AMZ1: variants seen among roughly 807,000 people sequenced by gnomAD.
AMZ1 encodes the protein archaemetzincin-1.
Under a neutral mutation model 29.9 loss-of-function variants are expected in AMZ1, and 39 were observed. The ratio of observed to expected loss-of-function variants is 1.30; its 90% CI spans 1.01 to 1.70. The LOEUF is 1.70. Ranked by LOEUF, AMZ1 falls within the 40% of genes most tolerant of loss-of-function variation. AMZ1 has a pLI of 0.00. For synonymous variants in AMZ1, 458 were observed against 304.0 expected (o/e 1.51, Z -5.27); for missense variants, 1,041 against 680.6 (o/e 1.53, Z -5.89).
chr7:2,687,835 C>T (rs534207146), upstream of AMZ1, among the ~76,000 whole-genome samples: 105 of 151,522 alleles, frequency 6.9e-4, no homozygotes, highest in Non-Finnish European at 1.3e-3. Flanking sequence ...GGTTCCCCTT[C>T]CTCACCTCGT....
intron 1 of AMZ1, among the ~76,000 whole-genome samples, chr7:2,699,503 C>T (rs1357151474): frequency 6.6e-6 from 1 of 152,002 alleles, no homozygotes; most frequent in East Asian, 1.9e-4. Context: ...CTGGGGACGT[C>T]TGCGTGCTGT....
chr7:2,724,724 T>C lies in AMZ1; in HGVS notation n.550+14908T>C, dbSNP rs1016858578. On this transcript the variant is annotated intron_variant and non_coding_transcript_variant, in intron 4 of 4. Coordinates refer to the AMZ1 transcript ENST00000489665. ...TGCTTAAGAAAAAGCACCTAAGTTT[T>C]GGGTGGAGCTGTTTCTACTACTGTG... Among the ~76,000 whole-genome samples, 12 of 152,322 alleles carry C rather than the reference T, an allele frequency of 7.9e-5. No individual in the cohort carries two copies. In the East Asian group the frequency reaches 1.5e-3, roughly 20 times the overall value.
chr7:2,718,237 C>G lies in AMZ1; in HGVS notation c.*5359C>G, dbSNP rs1298392611. Among the ~76,000 whole-genome samples the G allele has an allele frequency of 6.6e-6, 1 of 152,212 alleles. No homozygotes were observed. The highest frequency in any genetic ancestry group is 2.4e-5 in the African/African-American group (1 of 41,464). On this transcript the variant is annotated 3_prime_UTR_variant, in exon 7 of 7. Transcript: ENST00000683327. ...CTCCACCCTGGGGCTCCTCTGATGC[C>G]GAGAGCTCTGGCTCTCCTGACTGTG...
intron 1 of AMZ1, among the ~76,000 whole-genome samples, chr7:2,681,065 C>T (rs1786865443): frequency 6.6e-6 from 1 of 152,256 alleles, no homozygotes; most frequent in African/African-American, 2.4e-5. Context: ...CGGATGCCCC[C>T]TCGTGGCCAA....
intron 4 of AMZ1, among the ~76,000 whole-genome samples, chr7:2,747,751 T>A (rs1790836922): frequency 6.6e-6 from 1 of 152,236 alleles, no homozygotes; most frequent in African/African-American, 2.4e-5. Context: ...GCAGACGACA[T>A]GATTGTATAT....
intron 4 of AMZ1, among the ~76,000 whole-genome samples, chr7:2,755,125 G>A (rs140553404): frequency 2.3e-4 from 35 of 151,932 alleles, no homozygotes; most frequent in African/African-American, 8.0e-4. Context: ...CAGTGACCTC[G>A]TGTCTCTCCC....
intron 6 of AMZ1, 35 bp from the exon 7 acceptor site, chr7:2,712,295 A>T: frequency 6.6e-7 from 1 of 1,520,794 alleles, no homozygotes; most frequent in Non-Finnish European, 8.8e-7. Context: ...AAGGGCTGGC[A>T]CGGAGCAAAC....
At chr7:2,721,112 A>C (rs1475892145), downstream of AMZ1, among the ~76,000 whole-genome samples, 1 of 152,170 alleles carries the variant, frequency 6.6e-6, no homozygotes, top group Non-Finnish European at 1.5e-5. Context: ...GACTCTATTG[A>C]AGACACACTG....
intron 1 of AMZ1, among the ~76,000 whole-genome samples, chr7:2,697,513 TTCTGGGCTCAGGTGATCCTTCCAC>T (rs1324832299): frequency 2.6e-5 from 4 of 151,944 alleles, no homozygotes; most frequent in African/African-American, 9.7e-5. Flanking sequence ...AGCCTTGACT[TTCTGGGCTCAGGTGATCCTTCCAC>T]GTCAGCCTCC....
At position 2,754,272 on chromosome 7, in the gene AMZ1, G is replaced by C. The variant is rs151023052; in HGVS notation, n.551-10440G>C. On this transcript the variant is annotated intron_variant and non_coding_transcript_variant, in intron 4 of 4. Coordinates refer to the AMZ1 transcript ENST00000489665. ...TGTCTTCTCGTGCTTATGTGCCATC[G>C]GCATGTCCTCTTTGGTGAAATCACT... Among the ~76,000 whole-genome samples the C allele has an allele frequency of 2.3e-3, 356 of 152,226 alleles. 1 individual carries two copies. The highest frequency in any genetic ancestry group is 8.2e-3 in the African/African-American group (341 of 41,518).
chr7:2,748,837 A>G (rs550953394), intron 4 of AMZ1, among the ~76,000 whole-genome samples: 33 of 152,332 alleles, frequency 2.2e-4, no homozygotes, highest in Middle Eastern at 3.4e-3. Flanking sequence ...AACCCCATCA[A>G]AAAGTGGGCA....
rs550426398 is a variant in AMZ1 at position 2,709,712 on chromosome 7, G to A, written c.844G>A (p.Ala282Thr). The change falls in exon 6 of 7, where the codon GCG (alanine) becomes ACG (threonine). Residue 282 changes from alanine (A) to threonine (T), a missense_variant. By Grantham distance (58) the Ala-to-Thr change is moderately conservative (BLOSUM62 0). Coordinates refer to ENST00000683327, the MANE Select transcript of AMZ1 (RefSeq NM_001384743.1). ...CRWLRCLMQGALSLDEALRRP... is the reference protein window; with the variant it reads ...CRWLRCLMQGTLSLDEALRRP... ...CTGGCTCCGCTGCCTCATGCAGGGTGCGCTCAGCCTGGACGAGGCCCTGCG... is the reference window on the plus strand; with the variant it reads ...CTGGCTCCGCTGCCTCATGCAGGGTACGCTCAGCCTGGACGAGGCCCTGCG... The A allele has an allele frequency of 1.2e-6, 2 of 1,611,092 alleles. No homozygotes were observed. Among genetic ancestry groups the A allele is most frequent in the African/African-American group, 2.7e-5 (2 of 74,880 alleles).
chr7:2,697,110 T>G (rs544173856), intron 1 of AMZ1, among the ~76,000 whole-genome samples: 1 of 152,306 alleles, frequency 6.6e-6, no homozygotes, highest in South Asian at 2.1e-4. Flanking sequence ...TTTAATTTAT[T>G]TTTTATTTTT....
chr7:2,712,994 G>A lies in AMZ1; in HGVS notation c.*116G>A. The A allele has an allele frequency of 8.6e-7, 1 of 1,166,020 alleles. No individual in the cohort carries two copies. The highest frequency in any genetic ancestry group is 1.1e-6 in the Non-Finnish European group (1 of 884,416). The allele number at this position is 1,166,020 out of a possible 1,614,324, so 72.2% of individuals were successfully genotyped here. On this transcript the variant is annotated 3_prime_UTR_variant, in exon 7 of 7. Coordinates refer to ENST00000683327, the MANE Select transcript of AMZ1 (RefSeq NM_001384743.1). ...AGAGGAAGGGTCTGCCTGGGTGGTG[G>A]CTCAGGCCTGTCATCCCATCACTTT...
chr7:2,706,658 G>C (rs894430816), intron 3 of AMZ1, among the ~76,000 whole-genome samples: 1 of 152,202 alleles, frequency 6.6e-6, no homozygotes, highest in Non-Finnish European at 1.5e-5. Context: ...TACGCCATGT[G>C]CCTCTGCGTC....
upstream of AMZ1, chr7:2,762,570 C>A: frequency 6.9e-7 from 1 of 1,457,346 alleles, no homozygotes; most frequent in East Asian, 2.5e-5. Context: ...AATGACATTT[C>A]CTGAAAATTA....
chr7:2,712,512 C>T lies in AMZ1; in HGVS notation c.1131C>T (p.Phe377=), dbSNP rs147928595. ...CCCCTGATGCCGGGAGTCACACCTT[C>T]GCCTCGGGGCCAGAGGAAGGGCTGA... The part of the protein sequence containing the change: ...PLTPDAGSHT[F]ASGPEEGLSY... The change falls in exon 7 of 7, where the codon TTC becomes TTT. Residue 377 remains phenylalanine (F), a synonymous_variant. Transcript: ENST00000683327. The T allele has an allele frequency of 5.5e-5, 89 of 1,608,198 alleles. No homozygotes were observed. Among genetic ancestry groups the T allele is most frequent in the Middle Eastern group, 3.3e-4 (2 of 6,040 alleles).
intron 1 of AMZ1, among the ~76,000 whole-genome samples, chr7:2,680,362 G>T (rs989559567): frequency 6.6e-6 from 1 of 152,156 alleles, no homozygotes; most frequent in Non-Finnish European, 1.5e-5. Flanking sequence ...GGCTGGGCAG[G>T]TGTGCAGCCC....
intron 4 of AMZ1, among the ~76,000 whole-genome samples, chr7:2,736,289 C>T (rs897147969): frequency 3.9e-4 from 60 of 152,274 alleles, no homozygotes; most frequent in Non-Finnish European, 1.2e-4. Flanking sequence ...TCTAGAAACA[C>T]GAGTGGATCC....
Sources: gnomAD v4.1 joint callset for allele counts (sites outside exome capture counted in the v4.1 genomes callset) on GRCh38, gnomAD v4.1.1 for gene constraint, MANE v1.5 for transcripts, NCBI Gene and HGNC (gene_info 2026-07-23, HGNC 2026-07-21) for gene names.